Variants in DLD observed in about 807,000 individuals in gnomAD.
DLD encodes dihydrolipoamide dehydrogenase.
Under a neutral mutation model 62.2 loss-of-function variants are expected in DLD, and 36 were observed. The ratio of observed to expected loss-of-function variants is 0.58; its 90% CI spans 0.44 to 0.76. The LOEUF is 0.76. Ranked by LOEUF, DLD falls within the 30% of genes least tolerant of loss-of-function variation. The pLI is 0.00. For missense variants in DLD, 541 were observed against 608.6 expected (o/e 0.89, Z 1.17); for synonymous variants, 204 against 199.6 (o/e 1.02, Z -0.19).
chr7:107,917,493 A>G (rs556305315), intron 11 of DLD, 31 bp downstream of exon 11: 51 of 1,607,066 alleles, frequency 3.2e-5, no homozygotes, highest in African/African-American at 4.0e-5. Context: ...TTTTAAGCCA[A>G]TGTGTGAGTT....
At chr7:107,897,574 C>CT (rs35546358) in intron 2 of DLD, among the ~76,000 whole-genome samples, 1,636 of 111,294 alleles carry the variant, frequency 0.015, 21 homozygotes, top group African/African-American at 0.022. Context: ...TGTAGACTGA[C>CT]TTTTTTTTTT....
intron 2 of DLD, among the ~76,000 whole-genome samples, chr7:107,899,495 T>C (rs1052275154): frequency 6.6e-6 from 1 of 152,018 alleles, no homozygotes; most frequent in Non-Finnish European, 1.5e-5. Context: ...ACCAAATTTA[T>C]TTATCATTTT....
chr7:107,903,478 G>A lies in DLD; in HGVS notation c.268G>A (p.Ala90Thr). 1 of 1,564,758 alleles carries A rather than the reference G, an allele frequency of 6.4e-7. No homozygotes were observed. The highest frequency in any genetic ancestry group is 1.1e-5 in the South Asian group (1 of 89,910). Residue 90 changes from alanine (A) to threonine (T), a missense_variant and splice_region_variant, in exon 5 of 14, where the codon GCT (alanine) becomes ACT (threonine). Ala to Thr is a moderately conservative substitution (Grantham distance 58, BLOSUM62 0). Coordinates refer to ENST00000205402, the MANE Select transcript of DLD (RefSeq NM_000108.5). ...ATTTGATCTTTTTAATTTCCTTTAG[G>A]CTTTATTGAACAACTCTCATTATTA... ...CLNVGCIPSK[A>T]LLNNSHYYHM...
intron 10 of DLD, 123 bp from the exon 11 acceptor site, chr7:107,917,150 G>T: frequency 8.0e-7 from 1 of 1,252,770 alleles, no homozygotes; most frequent in Non-Finnish European, 1.1e-6. Flanking sequence ...GATTTTTGAA[G>T]AGCTGCATTT....
Position 107,919,459 on chromosome 7 carries a change from C to T in DLD, c.*200C>T. ...ATAAATTTAGTATTTTGTTTCAGTG[C>T]ACTAATGTGTAAGACAAAAAGCTAC... is the stretch of plus-strand genomic sequence containing the variant. On this transcript the variant is annotated 3_prime_UTR_variant, in exon 14 of 14. Coordinates refer to ENST00000205402, the MANE Select transcript of DLD (RefSeq NM_000108.5). 3.9e-6 allele frequency: 2 copies of T among 508,666 alleles called. No homozygotes were observed. The highest frequency in any genetic ancestry group is 6.9e-6 in the Non-Finnish European group (2 of 290,966). The allele number at this position is 508,666 out of a possible 1,614,324, so 31.5% of individuals were successfully genotyped here.
chr7:107,897,800 A>C (rs2031766064), intron 2 of DLD, among the ~76,000 whole-genome samples: 1 of 151,854 alleles, frequency 6.6e-6, no homozygotes, highest in Non-Finnish European at 1.5e-5. Context: ...GCTGGTCTTG[A>C]ACTCCTGACC....
chr7:107,909,839 CTTTTTTTTT>C (rs71134292), intron 8 of DLD, among the ~76,000 whole-genome samples: 1 of 73,052 alleles, frequency 1.4e-5, no homozygotes, highest in African/African-American at 6.5e-5. Context: ...GGAGAATTAA[CTTTTTTTTT>C]TTTTTTTTTT....
chr7:107,905,284 G>T lies in DLD; in HGVS notation c.439-77G>T, dbSNP rs562623935. The stretch of plus-strand genomic sequence containing the variant: ...TTTTGTTTTAGATAAATTATTTACA[G>T]AGTAATTTTTCCTTTGAATGATTTA... On this transcript the variant is annotated intron_variant, in intron 6 of 13. Coordinates refer to ENST00000205402, the MANE Select transcript of DLD (RefSeq NM_000108.5). 30 of 1,410,188 alleles carry T rather than the reference G, an allele frequency of 2.1e-5. No individual in the cohort carries two copies. The African/African-American group carries it at 3.4e-4, about 16-fold the overall frequency. 87.4% of individuals were successfully genotyped at this position (1,410,188 alleles called of 1,614,324 possible).
chr7:107,917,903 C>G, intron 11 of DLD, 21 bp from the exon 12 acceptor site: 2 of 1,613,780 alleles, frequency 1.2e-6, no homozygotes, highest in East Asian at 2.2e-5. Context: ...TACGTAGATT[C>G]TTTTTTTCTG....
In DLD at chr7:107,891,263, A is replaced by G. The variant is rs767940697; in HGVS notation, c.13A>G (p.Ser5Gly). The G allele has an allele frequency of 2.8e-5, 45 of 1,614,032 alleles. No individual in the cohort carries two copies. The highest frequency in any genetic ancestry group is 3.5e-5 in the Non-Finnish European group (41 of 1,179,982). ...ATACAGCGGAAAAATGCAGAGCTGG[A>G]GTCGTGTGTACTGCTCCTTGGCCAA... is the stretch of plus-strand genomic sequence containing the variant. MQSW[S>G]RVYCSLAKRG... Residue 5 changes from serine to glycine, a missense_variant, in exon 1 of 14, where the codon AGT (serine) becomes GGT (glycine). Transcript: ENST00000205402.
intron 12 of DLD, among the ~76,000 whole-genome samples, chr7:107,918,353 C>T (rs1394339001): frequency 1.3e-5 from 2 of 152,188 alleles, no homozygotes; most frequent in Admixed American, 1.3e-4. Flanking sequence ...CATCCAAGGC[C>T]TCACTGAATC....
chr7:107,900,825 T>A (rs1457187099), intron 2 of DLD, among the ~76,000 whole-genome samples: 2 of 152,146 alleles, frequency 1.3e-5, no homozygotes. Flanking sequence ...TATGAATTGC[T>A]AAATGCTAGA....
chr7:107,905,110 TTGCATTATAGAG>T (rs780050900), intron 6 of DLD, 52 bp downstream of exon 6: 2 of 1,328,068 alleles, frequency 1.5e-6, no homozygotes, highest in East Asian at 4.8e-5. Context: ...AAATTAAACT[TTGCATTATAGAG>T]TGATGATATT....
intron 1 of DLD, 23 bp downstream of exon 1, chr7:107,891,312 C>T (rs1266806616): frequency 6.2e-7 from 1 of 1,613,796 alleles, no homozygotes; most frequent in Admixed American, 1.7e-5. Flanking sequence ...TAGGTGAGGT[C>T]GTGTTGAGCC....
chr7:107,907,843 A>G (rs2032044117), intron 8 of DLD, among the ~76,000 whole-genome samples: 2 of 152,150 alleles, frequency 1.3e-5, no homozygotes, highest in Non-Finnish European at 2.9e-5. Flanking sequence ...TTTTCCTTCA[A>G]AACCCAGCTT....
chr7:107,905,398 AAAATC>A lies in DLD; in HGVS notation c.479_483del (p.Asn160SerfsTer7). 1 of 1,613,850 alleles carries A rather than the reference AAAATC, an allele frequency of 6.2e-7. No individual in the cohort carries two copies. The highest frequency in any genetic ancestry group is 8.5e-7 in the Non-Finnish European group (1 of 1,179,784). ...AATGGATATGGAAAGATAACTGGCA[AAAATC>A]AAGTCACTGCTACGAAAGCTGATGG... On this transcript the variant is annotated frameshift_variant, in exon 7 of 14. Coordinates refer to ENST00000205402, the MANE Select transcript of DLD (RefSeq NM_000108.5). LOFTEE classifies it high-confidence loss of function.
chr7:107,898,263 C>G (rs1474729694), intron 2 of DLD, among the ~76,000 whole-genome samples: 1 of 128,848 alleles, frequency 7.8e-6, no homozygotes, highest in Non-Finnish European at 1.6e-5. Flanking sequence ...AACTACTTTT[C>G]TGTATCCTTT....
intron 2 of DLD, among the ~76,000 whole-genome samples, chr7:107,898,270 CTTTTTTTT>C (rs67913323): frequency 1.5e-5 from 1 of 65,572 alleles, no homozygotes; most frequent in East Asian, 4.8e-4. Context: ...TTTCTGTATC[CTTTTTTTT>C]TTTTTTTTTT....
At chr7:107,904,820 A>T (rs747133496) in intron 5 of DLD, 138 bp from the exon 6 acceptor site, 2 of 700,178 alleles carry the variant, frequency 2.9e-6, no homozygotes, top group Non-Finnish European at 5.2e-6. Context: ...AACTATAATT[A>T]TAAGTTATTA....
Sources: gnomAD v4.1 joint callset for allele counts (sites outside exome capture counted in the v4.1 genomes callset) on GRCh38, gnomAD v4.1.1 for gene constraint, MANE v1.5 for transcripts, NCBI Gene and HGNC (gene_info 2026-07-23, HGNC 2026-07-21) for gene names.